Variants in CNTN4 observed in about 807,000 individuals in gnomAD.
CNTN4 encodes the protein contactin 4, also known as contactin-4.
A neutral mutation model predicts 122.5 loss-of-function variants in CNTN4; 77 were observed. The ratio of observed to expected loss-of-function variants is 0.63; its 90% CI spans 0.52 to 0.76. CNTN4 has a LOEUF of 0.76. Among genes scored for constraint, CNTN4 ranks in the 30% least tolerant of loss-of-function variants. The pLI is 0.00. For synonymous variants in CNTN4, 512 were observed against 447.0 expected (o/e 1.15, Z -1.83); for missense variants, 1,256 against 1,259.1 (o/e 1.00, Z 0.04).
intron 3 of CNTN4, among the ~76,000 whole-genome samples, chr3:2,389,572 C>T (rs566072545): frequency 1.3e-5 from 2 of 152,340 alleles, no homozygotes; most frequent in African/African-American, 2.4e-5. Flanking sequence ...CTTCATTCCT[C>T]TTTCCTTTTT....
intron 3 of CNTN4, among the ~76,000 whole-genome samples, chr3:2,402,544 A>G (rs1292132270): frequency 1.3e-5 from 2 of 152,074 alleles, no homozygotes; most frequent in Admixed American, 1.3e-4. Context: ...CCCTCCATTT[A>G]TCTGTATTAG....
intron 2 of CNTN4, among the ~76,000 whole-genome samples, chr3:2,279,208 A>G (rs1240867192): frequency 6.6e-6 from 1 of 152,220 alleles, no homozygotes; most frequent in South Asian, 2.1e-4. Flanking sequence ...AATAAATTTG[A>G]TAATGAGGGG....
chr3:2,126,633 A>G (rs2034185350), intron 2 of CNTN4, among the ~76,000 whole-genome samples: 1 of 152,170 alleles, frequency 6.6e-6, no homozygotes, highest in Non-Finnish European at 1.5e-5. Flanking sequence ...TAGAATGGTA[A>G]TTTAAGGTAA....
intron 2 of CNTN4, among the ~76,000 whole-genome samples, chr3:2,336,014 C>G (rs945106055): frequency 2.5e-4 from 38 of 152,124 alleles, no homozygotes; most frequent in African/African-American, 9.2e-4. Context: ...TACATACTTT[C>G]CCACAGTAAA....
Position 2,926,440 on chromosome 3 carries a change from C to T in CNTN4, c.1358+661C>T, listed in dbSNP as rs559934597. ...ATTTGAGGTTTTACATTAGCTTGCA[C>T]GAAATGGCAGGTGTCTCTAAGACCT... On this transcript the variant is annotated intron_variant, in intron 13 of 24. Transcript: ENST00000418658. Among the ~76,000 whole-genome samples, 4 of 152,214 alleles carry T rather than the reference C, an allele frequency of 2.6e-5. No homozygotes were observed. The South Asian group carries it at 6.2e-4, about 24-fold the overall frequency.
At chr3:2,973,236 C>T (rs1012760494) in intron 13 of CNTN4, among the ~76,000 whole-genome samples, 1 of 151,996 alleles carries the variant, frequency 6.6e-6, no homozygotes. Flanking sequence ...ATGGAAGTTT[C>T]TCCTATGCAA....
intron 8 of CNTN4, among the ~76,000 whole-genome samples, chr3:2,879,410 A>G (rs1156340396): frequency 6.6e-6 from 1 of 152,164 alleles, no homozygotes; most frequent in Admixed American, 6.5e-5. Flanking sequence ...AGGGCCACTG[A>G]GTTTGTAATG....
intron 4 of CNTN4, among the ~76,000 whole-genome samples, chr3:2,592,044 A>C (rs890310936): frequency 2.0e-5 from 3 of 151,868 alleles, no homozygotes; most frequent in African/African-American, 7.3e-5. Context: ...ACACCTGGCT[A>C]GTTTTTTAAA....
intron 3 of CNTN4, among the ~76,000 whole-genome samples, chr3:2,461,371 G>A (rs1272623033): frequency 2.0e-5 from 3 of 152,064 alleles, no homozygotes; most frequent in East Asian, 3.9e-4. Context: ...TAATTAATGA[G>A]ATAATCTACA....
intron 2 of CNTN4, among the ~76,000 whole-genome samples, chr3:2,333,175 C>A (rs2043807388): frequency 6.6e-6 from 1 of 152,206 alleles, no homozygotes; most frequent in Non-Finnish European, 1.5e-5. Flanking sequence ...TGTTCTCAAT[C>A]CCCTCCCTGT....
intron 7 of CNTN4, among the ~76,000 whole-genome samples, chr3:2,830,469 C>T (rs1257605859): frequency 2.6e-5 from 4 of 152,158 alleles, no homozygotes; most frequent in African/African-American, 7.2e-5. Flanking sequence ...AGCTGGACCA[C>T]ATGCAGAGCT....
At chr3:2,221,875 TAA>T (rs892966872) in intron 2 of CNTN4, among the ~76,000 whole-genome samples, 7 of 152,048 alleles carry the variant, frequency 4.6e-5, no homozygotes, top group African/African-American at 1.7e-4. Flanking sequence ...ATGGTTAAAA[TAA>T]AAAAGACAGT....
chr3:2,939,104 T>C (rs1041782875), intron 13 of CNTN4, among the ~76,000 whole-genome samples: 1 of 152,198 alleles, frequency 6.6e-6, no homozygotes, highest in Non-Finnish European at 1.5e-5. Flanking sequence ...TATACTAAGT[T>C]TGACCCCTAT....
intron 2 of CNTN4, among the ~76,000 whole-genome samples, chr3:2,194,278 A>G (rs995126275): frequency 2.0e-5 from 3 of 152,106 alleles, no homozygotes; most frequent in East Asian, 1.9e-4. Context: ...AGCCTGGGCA[A>G]CACAAAGAGA....
intron 13 of CNTN4, among the ~76,000 whole-genome samples, chr3:2,934,623 G>A (rs2094552453): frequency 6.6e-6 from 1 of 152,236 alleles, no homozygotes; most frequent in African/African-American, 2.4e-5. Context: ...CTGTTCTGGA[G>A]GCAGAGTGTC....
At chr3:2,611,748 C>G (rs954684989) in intron 4 of CNTN4, among the ~76,000 whole-genome samples, 2 of 152,110 alleles carry the variant, frequency 1.3e-5, no homozygotes, top group South Asian at 2.1e-4. Context: ...AAGAAGCTGT[C>G]TTGAACATTT....
chr3:2,356,607 T>A (rs571786418), intron 3 of CNTN4, among the ~76,000 whole-genome samples: 1 of 152,330 alleles, frequency 6.6e-6, no homozygotes, highest in African/African-American at 2.4e-5. Context: ...ATCAGCAAAG[T>A]CTTTCTGACC....
In CNTN4 at chr3:2,457,513, T is replaced by G. The variant is rs140017707; in HGVS notation, c.-88-113903T>G. 1.8e-3 allele frequency among the ~76,000 whole-genome samples: 274 copies of G among 152,276 alleles called. 2 individuals carry two copies. The highest frequency in any genetic ancestry group is 6.2e-3 in the African/African-American group (257 of 41,578). ...TATGTAAAATGTTTATTAGGATTTT[T>G]TTCTGGAAAAGTAAATTATGAATAT... On this transcript the variant is annotated intron_variant, in intron 3 of 24. Transcript: ENST00000418658.
chr3:2,391,316 G>T (rs1207473269), intron 3 of CNTN4, among the ~76,000 whole-genome samples: 2 of 152,154 alleles, frequency 1.3e-5, no homozygotes, highest in East Asian at 3.9e-4. Context: ...TTGACATCCT[G>T]TTCTCTGATT....
Sources: gnomAD v4.1 joint callset for allele counts (sites outside exome capture counted in the v4.1 genomes callset) on GRCh38, gnomAD v4.1.1 for gene constraint, MANE v1.5 for transcripts, NCBI Gene and HGNC (gene_info 2026-07-23, HGNC 2026-07-21) for gene names.